Variants in CNTN1 observed in about 807,000 individuals in gnomAD.
CNTN1 encodes contactin-1.
A neutral mutation model predicts 126.4 loss-of-function variants in CNTN1; 38 were observed. The observed-to-expected ratio is 0.30, with a 90% CI of 0.23 to 0.39. The LOEUF (loss-of-function observed/expected upper bound fraction) is 0.39. Among genes scored for constraint, CNTN1 ranks in the 10% least tolerant of loss-of-function variants. The probability of loss-of-function intolerance (pLI) is 1.00; values close to 1 mark genes in which losing one functional copy is unlikely to be tolerated. For missense variants in CNTN1, 1,009 were observed against 1,248.4 expected (o/e 0.81, Z 2.89); for synonymous variants, 413 against 422.6 (o/e 0.98, Z 0.28).
At chr12:40,791,856 T>G (rs781686194) in intron 1 of CNTN1, among the ~76,000 whole-genome samples, 4 of 152,096 alleles carry the variant, frequency 2.6e-5, no homozygotes, top group Non-Finnish European at 5.9e-5. Context: ...GGAGAGATGT[T>G]TATATTGATG....
rs2120747529 is a variant in CNTN1, at chr12:41,016,862, A to G, written c.2365A>G (p.Asn789Asp). 2.5e-6 allele frequency: 4 copies of G among 1,614,164 alleles called. No homozygotes were observed. The highest frequency in any genetic ancestry group is 3.4e-6 in the Non-Finnish European group (4 of 1,180,024). Reference protein sequence around the residue: ...AFQVKVKAFNNKGDGPYSLVA... With the variant: ...AFQVKVKAFNDKGDGPYSLVA... ...TCAAGTTAAAGTCAAGGCCTTCAACAACAAAGGAGATGGACCTTACAGCCT... is the reference window on the plus strand; with the variant it reads ...TCAAGTTAAAGTCAAGGCCTTCAACGACAAAGGAGATGGACCTTACAGCCT... Residue 789 changes from asparagine to aspartate, a missense_variant, in exon 19 of 24, where the codon AAC becomes GAC. Physicochemically the swap from Asn to Asp is conservative, Grantham distance 23. Coordinates refer to ENST00000551295, the MANE Select transcript of CNTN1 (RefSeq NM_001843.4).
At chr12:40,735,909 A>C (rs1338685070) in intron 1 of CNTN1, among the ~76,000 whole-genome samples, 1 of 152,020 alleles carries the variant, frequency 6.6e-6, no homozygotes, top group Non-Finnish European at 1.5e-5. Context: ...TTTGTTACTA[A>C]AGAGAGGTGG....
At chr12:40,761,324 G>A (rs958119357) in intron 1 of CNTN1, among the ~76,000 whole-genome samples, 1 of 151,850 alleles carries the variant, frequency 6.6e-6, no homozygotes, top group African/African-American at 2.4e-5. Flanking sequence ...AATAGTAGTG[G>A]GTATCTTTTA....
At chr12:40,948,211 C>T (rs886622670) in intron 14 of CNTN1, among the ~76,000 whole-genome samples, 15 of 151,006 alleles carry the variant, frequency 9.9e-5, no homozygotes, top group African/African-American at 3.6e-4. Context: ...GCAATCATCC[C>T]CCATTGGAAA....
intron 16 of CNTN1, among the ~76,000 whole-genome samples, chr12:40,984,825 T>C (rs556114172): frequency 5.3e-5 from 8 of 152,144 alleles, no homozygotes; most frequent in African/African-American, 1.7e-4. Flanking sequence ...ATAAGACAAT[T>C]ATATATATAC....
rs1379852027 is a variant in CNTN1, at chr12:40,932,202, T to C, written c.704-1259T>C. On this transcript the variant is annotated intron_variant, in intron 7 of 23. Transcript: ENST00000551295. ...ACCTTGAATTGTAATAATCTTCACTTGTCAAGGGTGGGGCCAGGTGGAGAT... is the reference window on the plus strand; with the variant it reads ...ACCTTGAATTGTAATAATCTTCACTCGTCAAGGGTGGGGCCAGGTGGAGAT... 2.6e-5 allele frequency among the ~76,000 whole-genome samples: 4 copies of C among 151,926 alleles called. No individual in the cohort carries two copies. In the East Asian group the frequency reaches 5.8e-4, roughly 22 times the overall value.
intron 1 of CNTN1, among the ~76,000 whole-genome samples, chr12:40,850,981 T>C (rs1942696064): frequency 6.6e-6 from 1 of 152,198 alleles, no homozygotes; most frequent in African/African-American, 2.4e-5. Context: ...TCCATCCAAT[T>C]GTCTTGAATA....
intron 6 of CNTN1, among the ~76,000 whole-genome samples, chr12:40,929,110 T>C (rs1945793626): frequency 6.6e-6 from 1 of 151,978 alleles, no homozygotes; most frequent in Non-Finnish European, 1.5e-5. Context: ...AAAGAAGGAA[T>C]AGAAAACTAT....
chr12:40,762,540 A>G (rs920846422), intron 1 of CNTN1, among the ~76,000 whole-genome samples: 2 of 152,234 alleles, frequency 1.3e-5, no homozygotes, highest in Non-Finnish European at 2.9e-5. Context: ...TACTATCATA[A>G]AAACTGAGCA....
intron 7 of CNTN1, among the ~76,000 whole-genome samples, chr12:40,930,962 A>G (rs952822218): frequency 3.3e-5 from 5 of 151,414 alleles, no homozygotes; most frequent in Non-Finnish European, 5.9e-5. Flanking sequence ...TTTTCTTTCT[A>G]CTCTTCCCCA....
chr12:40,849,256 T>C (rs1046818988), intron 1 of CNTN1, among the ~76,000 whole-genome samples: 7 of 152,084 alleles, frequency 4.6e-5, no homozygotes, highest in Non-Finnish European at 8.8e-5. Flanking sequence ...TTAAAAAAGG[T>C]GTAAAGACCA....
chr12:40,810,638 T>A (rs34673083), intron 1 of CNTN1, among the ~76,000 whole-genome samples: 5,074 of 152,144 alleles, frequency 0.033, 117 homozygotes, highest in Middle Eastern at 0.11. Context: ...GATTACATAG[T>A]ATTTATCTTT....
intron 16 of CNTN1, among the ~76,000 whole-genome samples, chr12:40,983,891 T>G (rs1947884718): frequency 7.6e-6 from 1 of 131,540 alleles, no homozygotes; most frequent in Admixed American, 7.7e-5. Context: ...TATGCTATTA[T>G]AGCATATTTT....
intron 12 of CNTN1, among the ~76,000 whole-genome samples, chr12:40,940,361 A>G (rs1946225701): frequency 1.3e-5 from 2 of 152,184 alleles, no homozygotes; most frequent in Admixed American, 1.3e-4. Context: ...ATCATAAATG[A>G]CAAAGTTTTC....
At chr12:40,730,284 G>C (rs764493907) in intron 1 of CNTN1, among the ~76,000 whole-genome samples, 1 of 152,236 alleles carries the variant, frequency 6.6e-6, no homozygotes, top group Admixed American at 6.5e-5. Flanking sequence ...TCAGAAATGG[G>C]AGGGGCAAAG....
chr12:40,997,500 A>C (rs1948248766), intron 17 of CNTN1, among the ~76,000 whole-genome samples: 1 of 152,190 alleles, frequency 6.6e-6, no homozygotes, highest in South Asian at 2.1e-4. Context: ...AAAGAGAAGA[A>C]TAGAACTAAG....
intron 1 of CNTN1, among the ~76,000 whole-genome samples, chr12:40,899,537 A>G (rs1944533087): frequency 1.3e-5 from 2 of 152,334 alleles, no homozygotes; most frequent in Middle Eastern, 3.4e-3. Context: ...GAGACAGACT[A>G]TTAAATATCA....
chr12:40,852,608 AT>A (rs527736432), intron 1 of CNTN1, among the ~76,000 whole-genome samples: 29 of 151,400 alleles, frequency 1.9e-4, no homozygotes, highest in South Asian at 6.2e-4. Context: ...TCCCAATGGC[AT>A]TTTTTTTCAA....
At chr12:41,030,833 A>T (rs1402781093) in intron 23 of CNTN1, among the ~76,000 whole-genome samples, 2 of 152,128 alleles carry the variant, frequency 1.3e-5, no homozygotes. Context: ...AGTCATTGCT[A>T]ATTTGACAGG....
Sources: allele counts gnomAD v4.1 joint callset (sites outside exome capture counted in the v4.1 genomes callset), GRCh38; gene constraint gnomAD v4.1.1; transcripts MANE v1.5; gene names NCBI Gene and HGNC (gene_info 2026-07-23, HGNC 2026-07-21).